Variants in MIPOL1 observed in about 807,000 individuals in gnomAD.
MIPOL1 encodes mirror-image polydactyly 1, also known as mirror-image polydactyly gene 1 protein.
In MIPOL1, 57 loss-of-function variants were observed where a neutral mutation model predicts 60.9. That is an observed-to-expected ratio of 0.94 (90% confidence interval 0.76 to 1.17). The LOEUF is 1.17. Among genes scored for constraint, MIPOL1 ranks in the 50% most tolerant of loss-of-function variants. MIPOL1 has a pLI of 0.00. For synonymous variants in MIPOL1, 179 were observed against 168.8 expected (o/e 1.06, Z -0.47); for missense variants, 551 against 511.6 (o/e 1.08, Z -0.74).
intron 9 of MIPOL1, among the ~76,000 whole-genome samples, chr14:37,351,926 A>G (rs1446750609): frequency 2.0e-5 from 3 of 150,968 alleles, no homozygotes; most frequent in East Asian, 2.0e-4. Flanking sequence ...CCATTTGTCA[A>G]TTTTGTCTTT....
intron 12 of MIPOL1, among the ~76,000 whole-genome samples, chr14:37,510,256 G>C (rs892708990): frequency 6.6e-6 from 1 of 151,728 alleles, no homozygotes; most frequent in Admixed American, 6.6e-5. Context: ...TGGTTTTGGG[G>C]GTTTTTATGA....
intron 9 of MIPOL1, among the ~76,000 whole-genome samples, chr14:37,324,900 T>A (rs952169300): frequency 6.6e-6 from 1 of 152,128 alleles, no homozygotes; most frequent in Admixed American, 6.6e-5. Context: ...CTTCTAATGA[T>A]CTATTTATCT....
chr14:37,205,766 G>T (rs1965983331), intron 1 of MIPOL1, among the ~76,000 whole-genome samples: 1 of 152,100 alleles, frequency 6.6e-6, no homozygotes, highest in Admixed American at 6.6e-5. Flanking sequence ...ATGGTTTCCA[G>T]CTTCATCCAT....
intron 10 of MIPOL1, among the ~76,000 whole-genome samples, chr14:37,377,139 A>T (rs1236271661): frequency 6.6e-6 from 1 of 152,134 alleles, no homozygotes; most frequent in African/African-American, 2.4e-5. Flanking sequence ...CCTGAGTCAA[A>T]CACTATTGAC....
chr14:37,248,020 A>G (rs985481840), intron 3 of MIPOL1, 113 bp downstream of exon 3: 18 of 854,282 alleles, frequency 2.1e-5, no homozygotes, highest in East Asian at 2.8e-5. Flanking sequence ...ACAAGTGCGC[A>G]CACACACACA....
chr14:37,327,683 A>T (rs2089295768), intron 9 of MIPOL1, among the ~76,000 whole-genome samples: 1 of 152,194 alleles, frequency 6.6e-6, no homozygotes, highest in African/African-American at 2.4e-5. Context: ...CAGGGTCTCT[A>T]GTGTAAGGAA....
intron 7 of MIPOL1, among the ~76,000 whole-genome samples, chr14:37,285,785 G>A (rs2084510023): frequency 1.3e-5 from 2 of 151,566 alleles, no homozygotes; most frequent in Non-Finnish European, 2.9e-5. Context: ...GTAGAGATGG[G>A]GTTTCACCAC....
chr14:37,382,405 C>G (rs552524713), intron 10 of MIPOL1, among the ~76,000 whole-genome samples: 1 of 152,036 alleles, frequency 6.6e-6, no homozygotes, highest in South Asian at 2.1e-4. Context: ...ACTTACTTTA[C>G]TAAGTATTTC....
At chr14:37,226,344 T>G (rs1969731431) in intron 1 of MIPOL1, among the ~76,000 whole-genome samples, 1 of 152,196 alleles carries the variant, frequency 6.6e-6, no homozygotes, top group Non-Finnish European at 1.5e-5. Flanking sequence ...AGAGGTTTAA[T>G]GGATTCACAG....
At chr14:37,265,005 A>G (rs934408372) in intron 3 of MIPOL1, among the ~76,000 whole-genome samples, 1 of 152,184 alleles carries the variant, frequency 6.6e-6, no homozygotes, top group Non-Finnish European at 1.5e-5. Context: ...ACTCATTTCC[A>G]GATGAGCCAT....
chr14:37,341,088 C>T lies in MIPOL1; in HGVS notation c.829-28429C>T, dbSNP rs142462579. 7.9e-4 allele frequency among the ~76,000 whole-genome samples: 120 copies of T among 152,262 alleles called. 2 individuals are homozygous for T. In the Middle Eastern group the frequency reaches 0.01, roughly 13 times the overall value. On this transcript the variant is annotated intron_variant, in intron 9 of 12. Coordinates refer to ENST00000684589, the MANE Select transcript of MIPOL1 (RefSeq NM_001388067.1). ...CCATCTAGGTTTGTATAAGTACATG[C>T]CATGTTTGCACAACAACAAAATAGC...
At chr14:37,477,593 TAA>T (rs973173801) in intron 11 of MIPOL1, among the ~76,000 whole-genome samples, 1 of 152,176 alleles carries the variant, frequency 6.6e-6, no homozygotes, top group African/African-American at 2.4e-5. Flanking sequence ...ATTCAAAGTG[TAA>T]AACTTTTTGA....
intron 10 of MIPOL1, among the ~76,000 whole-genome samples, chr14:37,418,550 C>T (rs2093812236): frequency 6.6e-6 from 1 of 151,980 alleles, no homozygotes; most frequent in Non-Finnish European, 1.5e-5. Flanking sequence ...TCCATTATGT[C>T]ACCTGGAATT....
At chr14:37,431,252 A>G (rs923004293) in intron 11 of MIPOL1, among the ~76,000 whole-genome samples, 18 of 152,194 alleles carry the variant, frequency 1.2e-4, no homozygotes, top group Non-Finnish European at 1.8e-4. Flanking sequence ...TGCCTCCTAC[A>G]TAGGTAATCT....
At chr14:37,491,911 A>G (rs2095053133) in intron 11 of MIPOL1, among the ~76,000 whole-genome samples, 1 of 152,138 alleles carries the variant, frequency 6.6e-6, no homozygotes. Context: ...TTCTGAATAT[A>G]TTTCCCTCTC....
intron 12 of MIPOL1, among the ~76,000 whole-genome samples, chr14:37,533,207 A>G (rs1030262766): frequency 6.6e-6 from 1 of 152,168 alleles, no homozygotes; most frequent in Non-Finnish European, 1.5e-5. Context: ...AGGACTTTAT[A>G]CAATGTCTAA....
chr14:37,517,714 A>G (rs1303518876), intron 12 of MIPOL1, among the ~76,000 whole-genome samples: 1 of 152,212 alleles, frequency 6.6e-6, no homozygotes, highest in East Asian at 1.9e-4. Flanking sequence ...GACGATATCT[A>G]TAAACTGATA....
chr14:37,242,962 C>A (rs756605063), intron 1 of MIPOL1, among the ~76,000 whole-genome samples: 4 of 151,986 alleles, frequency 2.6e-5, no homozygotes, highest in Admixed American at 6.6e-5. Flanking sequence ...GAATTCTAGG[C>A]ATAGAGTATA....
chr14:37,424,033 T>G (rs1274690908), intron 11 of MIPOL1, among the ~76,000 whole-genome samples: 1 of 152,138 alleles, frequency 6.6e-6, no homozygotes, highest in Admixed American at 6.6e-5. Flanking sequence ...CTACTGCAAT[T>G]TGTTGCTCAT....
Sources: allele counts gnomAD v4.1 joint callset (sites outside exome capture counted in the v4.1 genomes callset), GRCh38; gene constraint gnomAD v4.1.1; transcripts MANE v1.5; gene names NCBI Gene and HGNC (gene_info 2026-07-23, HGNC 2026-07-21).